Variants in GRIK1 observed in about 807,000 individuals in gnomAD.
The protein encoded by GRIK1 is glutamate ionotropic receptor kainate type subunit 1, also known as glutamate receptor ionotropic, kainate 1.
Under a neutral mutation model 105.7 loss-of-function variants are expected in GRIK1, and 69 were observed. That is an observed-to-expected ratio of 0.65 (90% CI 0.54 to 0.80). The LOEUF (loss-of-function observed/expected upper bound fraction) is 0.80, where lower values mean the gene tolerates loss of function less well. Among genes scored for constraint, GRIK1 ranks in the 30% least tolerant of loss-of-function variants. The pLI is 0.00. For missense variants in GRIK1, 1,109 were observed against 1,167.3 expected (o/e 0.95, Z 0.73); for synonymous variants, 438 against 431.3 (o/e 1.02, Z -0.19).
Position 29,557,113 on chromosome 21 carries a change from T to C in GRIK1, c.2357-1811A>G, listed in dbSNP as rs376488223. On this transcript the variant is annotated intron_variant, in intron 15 of 17. Transcript: ENST00000327783. ...GACATAGCTTCTCAATACTGGATTT[T>C]GGTTAATCAATGCAAAGGAAGAGGC... Among the ~76,000 whole-genome samples, 4 of 152,320 alleles carry C rather than the reference T, an allele frequency of 2.6e-5. 1 individual carries two copies. Among genetic ancestry groups the C allele is most frequent in the African/African-American group, 4.8e-5 (2 of 41,582 alleles).
At chr21:29,700,595 T>C (rs1001651737) in intron 1 of GRIK1, among the ~76,000 whole-genome samples, 1 of 152,146 alleles carries the variant, frequency 6.6e-6, no homozygotes, top group Non-Finnish European at 1.5e-5. Context: ...TAGGTCTCAC[T>C]GATTGACTTT....
At chr21:29,774,645 T>C (rs1192123572) in intron 1 of GRIK1, among the ~76,000 whole-genome samples, 2 of 152,004 alleles carry the variant, frequency 1.3e-5, no homozygotes, top group Admixed American at 1.3e-4. Flanking sequence ...GGAGACAGGG[T>C]TTTACCATAT....
At chr21:29,667,092 A>G (rs1299888341) in intron 4 of GRIK1, among the ~76,000 whole-genome samples, 1 of 152,052 alleles carries the variant, frequency 6.6e-6, no homozygotes, top group Non-Finnish European at 1.5e-5. Context: ...GGCCTTTTCT[A>G]TGTATTTATG....
intron 1 of GRIK1, among the ~76,000 whole-genome samples, chr21:29,822,235 G>A: frequency 6.6e-6 from 1 of 152,026 alleles, no homozygotes; most frequent in East Asian, 1.9e-4. Flanking sequence ...TAGACAATAT[G>A]TAAACAAAAT....
At chr21:29,694,639 G>T (rs73352594) in intron 1 of GRIK1, among the ~76,000 whole-genome samples, 3 of 152,172 alleles carry the variant, frequency 2.0e-5, no homozygotes, top group Non-Finnish European at 2.9e-5. Flanking sequence ...ACATTTAGTG[G>T]TATAAAAGTG....
chr21:29,870,502 A>C (rs1308091418), intron 1 of GRIK1, among the ~76,000 whole-genome samples: 1 of 151,386 alleles, frequency 6.6e-6, no homozygotes, highest in African/African-American at 2.4e-5. Flanking sequence ...TAATAATTTT[A>C]TTAAATTATT....
chr21:29,702,872 A>C (rs1264823283), intron 1 of GRIK1, among the ~76,000 whole-genome samples: 1 of 2,536 alleles, frequency 3.9e-4, no homozygotes, highest in Admixed American at 5.7e-3. Flanking sequence ...CAGATTTCAG[A>C]CTTCTGGCCT....
At chr21:29,901,209 A>G (rs2070393363) in intron 1 of GRIK1, among the ~76,000 whole-genome samples, 1 of 152,206 alleles carries the variant, frequency 6.6e-6, no homozygotes, top group Non-Finnish European at 1.5e-5. Context: ...GAGATCTAAA[A>G]TTGACATCTT....
chr21:29,676,779 C>G (rs1016536188), intron 3 of GRIK1, among the ~76,000 whole-genome samples: 2 of 152,064 alleles, frequency 1.3e-5, no homozygotes, highest in African/African-American at 4.8e-5. Context: ...CTGACCTGGA[C>G]TCTTTAAAAA....
intron 7 of GRIK1, among the ~76,000 whole-genome samples, chr21:29,635,461 C>T (rs145368280): frequency 1.3e-3 from 192 of 152,290 alleles, no homozygotes; most frequent in African/African-American, 4.4e-3. Flanking sequence ...TAACACCACT[C>T]CTGGTGAATA....
intron 4 of GRIK1, among the ~76,000 whole-genome samples, chr21:29,663,522 T>A (rs1457855894): frequency 6.6e-6 from 1 of 152,194 alleles, no homozygotes; most frequent in East Asian, 1.9e-4. Context: ...CCTGGAGATA[T>A]TAGAATTAAT....
At chr21:29,729,082 T>A (rs538968895) in intron 1 of GRIK1, among the ~76,000 whole-genome samples, 3 of 152,314 alleles carry the variant, frequency 2.0e-5, no homozygotes, top group African/African-American at 7.2e-5. Flanking sequence ...TGAGTGATTG[T>A]GATTGGGGAC....
intron 16 of GRIK1, among the ~76,000 whole-genome samples, chr21:29,550,107 C>CA (rs34939329): frequency 0.078 from 4,142 of 53,418 alleles, 1,122 homozygotes; most frequent in African/African-American, 0.21. Context: ...GACTCCATCT[C>CA]AAAAAAAAAA....
At chr21:29,859,402 C>CAA (rs34152198) in intron 1 of GRIK1, among the ~76,000 whole-genome samples, 1,733 of 149,680 alleles carry the variant, frequency 0.012, 26 homozygotes, top group African/African-American at 0.038. Context: ...AATAAAAAAA[C>CAA]AAAAAAAAAT....
chr21:29,678,691 A>C (rs1291242720), intron 3 of GRIK1, among the ~76,000 whole-genome samples: 3 of 152,174 alleles, frequency 2.0e-5, no homozygotes, highest in Non-Finnish European at 4.4e-5. Flanking sequence ...ATTGAGTGTA[A>C]AGAATGTTCC....
At chr21:29,560,586 T>TTCTTTCTTTCTTTCTC (rs1568816039) in intron 15 of GRIK1, among the ~76,000 whole-genome samples, 10 of 123,816 alleles carry the variant, frequency 8.1e-5, no homozygotes, top group Non-Finnish European at 1.7e-4. Context: ...CTCTCTTTCT[T>TTCTTTCTTTCTTTCTC]TCTTTCTCTC....
chr21:29,757,589 G>A lies in GRIK1; in HGVS notation c.119-63526C>T, dbSNP rs78722595. Among the ~76,000 whole-genome samples the A allele has an allele frequency of 5.5e-4, 83 of 152,146 alleles. 1 individual carries two copies. The East Asian group carries it at 9.5e-3, about 17-fold the overall frequency. The stretch of plus-strand genomic sequence containing the variant: ...ATAAATACCTGCTTAAAAGATTGTC[G>A]GCATGAGGATAGCATTATTTTTTTA... On this transcript the variant is annotated intron_variant, in intron 1 of 17. Transcript: ENST00000327783.
intron 14 of GRIK1, among the ~76,000 whole-genome samples, chr21:29,570,207 A>C (rs778009002): frequency 6.6e-6 from 1 of 152,212 alleles, no homozygotes; most frequent in African/African-American, 2.4e-5. Context: ...TTTTATTAAA[A>C]ATTCTCTTAA....
At chr21:29,817,780 T>A (rs1473468314) in intron 1 of GRIK1, among the ~76,000 whole-genome samples, 1 of 152,070 alleles carries the variant, frequency 6.6e-6, no homozygotes, top group Admixed American at 6.6e-5. Context: ...TATTTAAGGG[T>A]TGTTTGTTGC....
Sources: gnomAD v4.1 joint callset for allele counts (sites outside exome capture counted in the v4.1 genomes callset) on GRCh38, gnomAD v4.1.1 for gene constraint, MANE v1.5 for transcripts, NCBI Gene and HGNC (gene_info 2026-07-23, HGNC 2026-07-21) for gene names.